RNF187: variants seen among roughly 807,000 people sequenced by gnomAD.
RNF187 encodes the protein E3 ubiquitin-protein ligase RNF187.
Under a neutral mutation model 22.2 loss-of-function variants are expected in RNF187, and 18 were observed. The observed-to-expected ratio is 0.81, with a 90% CI of 0.56 to 1.20. The LOEUF (loss-of-function observed/expected upper bound fraction) is 1.20. Among genes scored for constraint, RNF187 ranks in the 50% most tolerant of loss-of-function variants. The pLI is 0.00. For missense variants in RNF187, 329 were observed against 317.6 expected, an observed-to-expected ratio of 1.04 and a Z score of -0.27; for synonymous variants, 164 against 140.9, an observed-to-expected ratio of 1.16 and a Z score of -1.16.
intron 2 of RNF187, among the ~76,000 whole-genome samples, chr1:228,489,765 G>A: frequency 2.6e-5 from 1 of 37,822 alleles, no homozygotes; most frequent in Admixed American, 3.4e-4. Context: ...AAGTGAGGGT[G>A]TCTCTGGGGC....
chr1:228,492,368 T>G, intron 2 of RNF187, among the ~76,000 whole-genome samples: 2 of 151,754 alleles, frequency 1.3e-5, no homozygotes, highest in African/African-American at 4.8e-5. Context: ...TATTGTTTTT[T>G]TTTTTGTTTT....
At position 228,487,404 on chromosome 1, in the gene RNF187, T is replaced by TGGTCTCCGTCCGGTCGCC; in HGVS notation, c.-82_-65dup. The TGGTCTCCGTCCGGTCGCC allele has an allele frequency of 1.9e-6, 2 of 1,057,860 alleles. No homozygotes were observed. The highest frequency in any genetic ancestry group is 5.5e-5 in the Admixed American group (1 of 18,156). 65.5% of individuals were successfully genotyped at this position (1,057,860 alleles called of 1,614,324 possible). A position where few individuals can be genotyped will look rare whatever the true frequency, so the allele number is the denominator to read the frequency against. The stretch of plus-strand genomic sequence containing the variant: ...GGCGTTGGCGTCTTCGTCCTGTTGC[T>TGGTCTCCGTCCGGTCGCC]GGTCTCCGTCCGGTCGCCGGCCGTC... On this transcript the variant is annotated 5_prime_UTR_variant, in exon 1 of 4. Coordinates refer to ENST00000305943, the MANE Select transcript of RNF187 (RefSeq NM_001010858.3).
intron 2 of RNF187, 74 bp from the exon 3 acceptor site, chr1:228,492,979 A>C: frequency 6.9e-7 from 1 of 1,453,740 alleles, no homozygotes; most frequent in East Asian, 2.5e-5. Context: ...TAACTCCTTC[A>C]AGAGCAAACA....
In RNF187 at chr1:228,493,361, CAAGGCTTA is replaced by C; in HGVS notation, c.705+90_705+97del. 1.4e-6 allele frequency: 2 copies of C among 1,479,678 alleles called. No individual in the cohort carries two copies. The highest frequency in any genetic ancestry group is 1.8e-6 in the Non-Finnish European group (2 of 1,110,858). 91.7% of individuals were successfully genotyped at this position (1,479,678 alleles called of 1,614,324 possible). On this transcript the variant is annotated intron_variant, in intron 3 of 3. Transcript: ENST00000305943. The surrounding 1 kb of genome is among the most constrained non-coding windows in gnomAD (Gnocchi z 4.7). ...CCATTGGGGGACCATTGCCCGAAGT[CAAGGCTTA>C]AAAGCCCAGCCTGACTCCCACTGCC...
At chr1:228,489,851 C>G in intron 2 of RNF187, among the ~76,000 whole-genome samples, 1 of 152,298 alleles carries the variant, frequency 6.6e-6, no homozygotes, top group Middle Eastern at 3.4e-3. Context: ...GGTCCTGCCT[C>G]CTAACGCCAT....
At position 228,487,875 on chromosome 1, in the gene RNF187, C is replaced by A; in HGVS notation, c.387C>A (p.Gly129=). ...CGCGCTGGAGGAAGGCGCTGCGCGG[C>A]AAGGTGCGCGCCGCGGGGTCCCGTG... The change falls in exon 1 of 4, where the codon GGC becomes GGA. Residue 129 remains glycine (G), a synonymous_variant. Transcript: ENST00000305943. The A allele has an allele frequency of 8.2e-7, 1 of 1,221,698 alleles. No individual in the cohort carries two copies. The highest frequency in any genetic ancestry group is 3.6e-5 in the East Asian group (1 of 27,486). The allele number at this position is 1,221,698 out of a possible 1,614,324, so 75.7% of individuals were successfully genotyped here. A position where few individuals can be genotyped will look rare whatever the true frequency, so the allele number is the denominator to read the frequency against.
chr1:228,487,792 G>C lies in RNF187; in HGVS notation c.304G>C (p.Gly102Arg). The C allele has an allele frequency of 7.1e-6, 8 of 1,119,588 alleles. No homozygotes were observed. The highest frequency in any genetic ancestry group is 8.7e-6 in the Non-Finnish European group (8 of 916,064). The allele number at this position is 1,119,588 out of a possible 1,614,324, so 69.4% of individuals were successfully genotyped here. Reference sequence around the variant, plus strand: ...GCAGCTGCTGTGCCGCGCCGACGCCGGCCCGCTCTGCGCCGCCTGCCGTAT... The same window carrying C: ...GCAGCTGCTGTGCCGCGCCGACGCCCGCCCGCTCTGCGCCGCCTGCCGTAT... Residue 102 changes from glycine to arginine, a missense_variant, in exon 1 of 4, where the codon GGC becomes CGC. By Grantham distance (125) the Gly-to-Arg change is moderately radical. Transcript: ENST00000305943.
chr1:228,495,817 T>A lies in RNF187; in HGVS notation c.*1932T>A. The A allele has an allele frequency of 1.1e-6, 1 of 893,370 alleles. No homozygotes were observed. Among genetic ancestry groups the A allele is most frequent in the Non-Finnish European group, 1.3e-6 (1 of 746,240 alleles). The allele number at this position is 893,370 out of a possible 1,614,324, so 55.3% of individuals were successfully genotyped here. A position where few individuals can be genotyped will look rare whatever the true frequency, so the allele number is the denominator to read the frequency against. ...GTGGAGTGACAGATTAATGTATCCA[T>A]CTCATGTTTTTTTTGGTGGTGAGAA... On this transcript the variant is annotated 3_prime_UTR_variant, in exon 4 of 4. Coordinates refer to ENST00000305943, the MANE Select transcript of RNF187 (RefSeq NM_001010858.3).
intron 2 of RNF187, among the ~76,000 whole-genome samples, chr1:228,490,875 T>C: frequency 2.0e-5 from 3 of 152,180 alleles, no homozygotes; most frequent in Non-Finnish European, 2.9e-5. Context: ...GCAGGGACAG[T>C]TGCTGGCAAG....
chr1:228,493,079 G>C lies in RNF187; in HGVS notation c.510G>C (p.Lys170Asn). ...GACACGTGATGGACCGTAGGAAGAA[G>C]GCACTGACCGACTACAAGAAGCTGC... is the stretch of plus-strand genomic sequence containing the variant. The change falls in exon 3 of 4, where the codon AAG becomes AAC. Residue 170 changes from lysine (K) to asparagine (N), a missense_variant. By Grantham distance (94) the Lys-to-Asn change is moderately conservative (BLOSUM62 0). Coordinates refer to ENST00000305943, the MANE Select transcript of RNF187 (RefSeq NM_001010858.3). This position sits in a 1 kb window ranked among gnomAD's most constrained non-coding sequence, Gnocchi z 4.7. The C allele has an allele frequency of 6.4e-7, 1 of 1,551,048 alleles. No homozygotes were observed. The highest frequency in any genetic ancestry group is 8.7e-7 in the Non-Finnish European group (1 of 1,146,554).
chr1:228,490,853 G>A, intron 2 of RNF187, among the ~76,000 whole-genome samples: 18 of 152,218 alleles, frequency 1.2e-4, no homozygotes, highest in Admixed American at 3.3e-4. Flanking sequence ...TTGGAGTTCT[G>A]GTGTGGGCAC....
At chr1:228,492,634 T>C in intron 2 of RNF187, among the ~76,000 whole-genome samples, 1 of 141,418 alleles carries the variant, frequency 7.1e-6, no homozygotes, top group Non-Finnish European at 1.5e-5. Flanking sequence ...TTTTTTTTTT[T>C]TTTTTTTTTG....
Position 228,487,677 on chromosome 1 carries a change from C to A in RNF187, c.189C>A (p.Pro63=). 9.1e-7 allele frequency: 1 copy of A among 1,101,784 alleles called. No homozygotes were observed. Among genetic ancestry groups the A allele is most frequent in the Non-Finnish European group, 1.1e-6 (1 of 903,666 alleles). 68.3% of individuals were successfully genotyped at this position (1,101,784 alleles called of 1,614,324 possible). A position where few individuals can be genotyped will look rare whatever the true frequency, so the allele number is the denominator to read the frequency against. ...ACTGCTGGCAGCGCGCCGTGGAGCC[C>A]GGCAGGCCCCCGCTCAGCCGCCGCC... The change falls in exon 1 of 4, where the codon CCC becomes CCA. Residue 63 remains proline (P), a synonymous_variant. Coordinates refer to ENST00000305943, the MANE Select transcript of RNF187 (RefSeq NM_001010858.3).
At position 228,494,946 on chromosome 1, in the gene RNF187, G is replaced by A; in HGVS notation, c.*1061G>A. 2.0e-6 allele frequency: 2 copies of A among 985,550 alleles called. No individual in the cohort carries two copies. The highest frequency in any genetic ancestry group is 9.4e-5 in the South Asian group (2 of 21,284). 61.1% of individuals were successfully genotyped at this position (985,550 alleles called of 1,614,324 possible). ...TGCCCAGCGTGTGGGCTGGCTCAAT[G>A]CTGAATAAAGTGGGTTTGTGTCAGC... On this transcript the variant is annotated 3_prime_UTR_variant, in exon 4 of 4. Transcript: ENST00000305943.
At chr1:228,491,387 C>CAA in intron 2 of RNF187, among the ~76,000 whole-genome samples, 35,089 of 74,926 alleles carry the variant, frequency 0.47, 8,543 homozygotes, top group South Asian at 0.54. Context: ...GGCCCTATCT[C>CAA]AAAAAAAAAA....
intron 2 of RNF187, among the ~76,000 whole-genome samples, chr1:228,492,184 G>A: frequency 6.6e-6 from 1 of 151,884 alleles, no homozygotes; most frequent in African/African-American, 2.4e-5. Flanking sequence ...CCGAGTTGCT[G>A]GGACCATAGG....
chr1:228,487,705 C>G lies in RNF187; in HGVS notation c.217C>G (p.Leu73Val). 9.5e-7 allele frequency: 1 copy of G among 1,056,644 alleles called. No individual in the cohort carries two copies. The allele number at this position is 1,056,644 out of a possible 1,614,324, so 65.5% of individuals were successfully genotyped here. A position where few individuals can be genotyped will look rare whatever the true frequency, so the allele number is the denominator to read the frequency against. Reference sequence around the variant, plus strand: ...CAGGCCCCCGCTCAGCCGCCGCCTTCTGGCGCTCGAGGAGGCGGCCGCGGC... The same window carrying G: ...CAGGCCCCCGCTCAGCCGCCGCCTTGTGGCGCTCGAGGAGGCGGCCGCGGC... Residue 73 changes from leucine to valine, a missense_variant, in exon 1 of 4, where the codon CTG becomes GTG. Coordinates refer to ENST00000305943, the MANE Select transcript of RNF187 (RefSeq NM_001010858.3).
At chr1:228,492,791 A>ATTTTTGTATTTTTATTTTTTTTTT in intron 2 of RNF187, among the ~76,000 whole-genome samples, 1 of 151,074 alleles carries the variant, frequency 6.6e-6, no homozygotes, top group Admixed American at 6.6e-5. Flanking sequence ...CGCCTGGCTC[A>ATTTTTGTATTTTTATTTTTTTTTT]TTTTTGTATT....
chr1:228,489,122 A>T, intron 2 of RNF187, 70 bp downstream of exon 2: 1 of 1,359,600 alleles, frequency 7.4e-7, no homozygotes, highest in Non-Finnish European at 1.0e-6. Context: ...CAAAGGGACC[A>T]CCAGGCCAAG....
Sources: gnomAD v4.1 joint callset for allele counts (sites outside exome capture counted in the v4.1 genomes callset) on GRCh38, gnomAD v4.1.1 for gene constraint, Gnocchi (gnomAD v3.1) non-coding constraint, MANE v1.5 for transcripts, NCBI Gene and HGNC (gene_info 2026-07-23, HGNC 2026-07-21) for gene names.